BBS9: variants seen among roughly 807,000 people sequenced by gnomAD.
BBS9 encodes Bardet-Biedl syndrome 9, also known as protein PTHB1.
BBS9 carries 89 observed loss-of-function variants against 117.7 expected under a neutral mutation model. The observed-to-expected ratio is 0.76, with a 90% CI of 0.64 to 0.90. The LOEUF (loss-of-function observed/expected upper bound fraction) is 0.90, where lower values mean the gene tolerates loss of function less well. Among genes scored for constraint, BBS9 ranks in the 40% least tolerant of loss-of-function variants. The probability of loss-of-function intolerance (pLI) is 0.00; values close to 1 mark genes in which losing one functional copy is unlikely to be tolerated. For synonymous variants in BBS9, 379 were observed against 370.9 expected (o/e 1.02, Z -0.25); for missense variants, 982 against 1,042.2 (o/e 0.94, Z 0.80).
chr7:33,238,897 T>C (rs2128279205), intron 5 of BBS9, among the ~76,000 whole-genome samples: 1 of 152,330 alleles, frequency 6.6e-6, no homozygotes, highest in Middle Eastern at 3.4e-3. Flanking sequence ...ATACCCCTAT[T>C]AGTGGAATTG....
intron 21 of BBS9, among the ~76,000 whole-genome samples, chr7:33,557,748 A>G (rs958815445): frequency 6.6e-6 from 1 of 152,242 alleles, no homozygotes; most frequent in African/African-American, 2.4e-5. Context: ...ACTCTTTTCC[A>G]ACGATCCTGC....
chr7:33,530,073 T>C (rs1288373028), intron 20 of BBS9, among the ~76,000 whole-genome samples: 1 of 152,258 alleles, frequency 6.6e-6, no homozygotes, highest in African/African-American at 2.4e-5. Flanking sequence ...TAGGTAAGTA[T>C]GCTACATGTT....
At chr7:33,136,317 T>A (rs1790454061) in intron 1 of BBS9, among the ~76,000 whole-genome samples, 1 of 152,234 alleles carries the variant, frequency 6.6e-6, no homozygotes. Context: ...ATAGTTTTAC[T>A]TCTTTTTTTC....
intron 21 of BBS9, among the ~76,000 whole-genome samples, chr7:33,616,622 A>G (rs1182517688): frequency 6.6e-6 from 1 of 151,548 alleles, no homozygotes; most frequent in African/African-American, 2.4e-5. Flanking sequence ...TGGGCAAGAA[A>G]TAGAAAACAG....
chr7:33,191,577 T>A (rs941602000), intron 5 of BBS9, among the ~76,000 whole-genome samples: 1 of 152,136 alleles, frequency 6.6e-6, no homozygotes, highest in African/African-American at 2.4e-5. Context: ...TGTATATGAA[T>A]TGGAGAAGGC....
At chr7:33,389,976 CGT>C (rs1204308354) in intron 19 of BBS9, among the ~76,000 whole-genome samples, 1 of 152,060 alleles carries the variant, frequency 6.6e-6, no homozygotes, top group African/African-American at 2.4e-5. Flanking sequence ...CTGCCAATTT[CGT>C]GTGTGTGTGC....
At chr7:33,565,723 A>ATCCAAAT (rs1856735799) in intron 21 of BBS9, among the ~76,000 whole-genome samples, 1 of 142,676 alleles carries the variant, frequency 7.0e-6, no homozygotes, top group African/African-American at 2.6e-5. Context: ...AATAGCCAGC[A>ATCCAAAT]TCCAAATAGG....
At chr7:33,499,998 T>C (rs1210003649) in intron 19 of BBS9, among the ~76,000 whole-genome samples, 1 of 152,252 alleles carries the variant, frequency 6.6e-6, no homozygotes, top group African/African-American at 2.4e-5. Context: ...ATGTCTGTTT[T>C]CTAAAATCTT....
At chr7:33,254,091 A>T (rs897583088) in intron 5 of BBS9, among the ~76,000 whole-genome samples, 1 of 152,190 alleles carries the variant, frequency 6.6e-6, no homozygotes, top group Non-Finnish European at 1.5e-5. Context: ...AATTGCTCCT[A>T]TGCTAACTGA....
At chr7:33,601,174 G>A (rs1863735008) in intron 21 of BBS9, among the ~76,000 whole-genome samples, 1 of 152,188 alleles carries the variant, frequency 6.6e-6, no homozygotes, top group South Asian at 2.1e-4. Context: ...GCAAGGTAGA[G>A]TGCTCAGCAC....
At chr7:33,370,555 C>T (rs552558059) in intron 17 of BBS9, among the ~76,000 whole-genome samples, 37 of 152,184 alleles carry the variant, frequency 2.4e-4, no homozygotes, top group Middle Eastern at 3.4e-3. Flanking sequence ...TTAAAAATAA[C>T]GGGAAAGTTC....
chr7:33,545,618 G>T (rs1449823519), intron 21 of BBS9, among the ~76,000 whole-genome samples: 1 of 152,048 alleles, frequency 6.6e-6, no homozygotes, highest in Non-Finnish European at 1.5e-5. Flanking sequence ...GTTTGTTCTT[G>T]CAGGCGATCT....
intron 9 of BBS9, among the ~76,000 whole-genome samples, chr7:33,283,030 A>G (rs1006297785): frequency 6.6e-6 from 1 of 152,202 alleles, no homozygotes; most frequent in Non-Finnish European, 1.5e-5. Flanking sequence ...CACAATTTCT[A>G]TAGTGCTTTC....
intron 5 of BBS9, among the ~76,000 whole-genome samples, chr7:33,201,014 G>T (rs959295248): frequency 3.3e-5 from 5 of 152,122 alleles, no homozygotes; most frequent in Non-Finnish European, 7.4e-5. Context: ...TTTACTTTAG[G>T]ACAGTTAGGG....
At chr7:33,325,208 A>G (rs1432824238) in intron 9 of BBS9, among the ~76,000 whole-genome samples, 2 of 152,048 alleles carry the variant, frequency 1.3e-5, no homozygotes, top group Non-Finnish European at 2.9e-5. Context: ...TATATTTTCA[A>G]ATAGCCTGTC....
intron 21 of BBS9, among the ~76,000 whole-genome samples, chr7:33,558,446 A>G (rs1585250296): frequency 6.6e-6 from 1 of 152,148 alleles, no homozygotes; most frequent in African/African-American, 2.4e-5. Context: ...CATTCCAGAG[A>G]GAGGGAACAG....
At chr7:33,268,910 T>C (rs34950347) in intron 7 of BBS9, among the ~76,000 whole-genome samples, 22 of 152,080 alleles carry the variant, frequency 1.4e-4, no homozygotes, top group African/African-American at 5.3e-4. Flanking sequence ...TACAATATAA[T>C]GAGAAATATA....
chr7:33,224,868 A>C (rs1328568926), intron 5 of BBS9, among the ~76,000 whole-genome samples: 2 of 152,170 alleles, frequency 1.3e-5, no homozygotes, highest in African/African-American at 4.8e-5. Context: ...TCTCTTTTTG[A>C]GGCAACAGTA....
intron 14 of BBS9, among the ~76,000 whole-genome samples, chr7:33,352,612 ACATTCT>A (rs1473343674): frequency 4.6e-5 from 7 of 152,174 alleles, no homozygotes; most frequent in Non-Finnish European, 1.0e-4. Context: ...GTGGAATAAC[ACATTCT>A]CATAGACTTC....
Sources: gnomAD v4.1 joint callset for allele counts (sites outside exome capture counted in the v4.1 genomes callset) on GRCh38, gnomAD v4.1.1 for gene constraint, MANE v1.5 for transcripts, NCBI Gene and HGNC (gene_info 2026-07-23, HGNC 2026-07-21) for gene names.